JUP: variants seen among roughly 807,000 people sequenced by gnomAD.
JUP encodes junction plakoglobin.
JUP carries 28 observed loss-of-function variants against 71.1 expected under a neutral mutation model. That is an observed-to-expected ratio of 0.39 (90% CI 0.29 to 0.54). The LOEUF is 0.54. Ranked by LOEUF, JUP falls within the 20% of genes least tolerant of loss-of-function variation. JUP has a pLI of 0.62. For synonymous variants in JUP, 401 were observed against 438.9 expected (o/e 0.91, Z 1.08); for missense variants, 869 against 1,030.1 (o/e 0.84, Z 2.14).
At chr17:41,761,287 C>T (rs1182783202) in intron 8 of JUP, among the ~76,000 whole-genome samples, 1 of 152,194 alleles carries the variant, frequency 6.6e-6, no homozygotes, top group African/African-American at 2.4e-5. Context: ...CTGGTGATCA[C>T]ACTTCCTAAC....
chr17:41,772,277 T>G, intron 1 of JUP: 1 of 310,636 alleles, frequency 3.2e-6, no homozygotes. Flanking sequence ...GGGCCCACCC[T>G]CAACTACTGG....
intron 2 of JUP, among the ~76,000 whole-genome samples, chr17:41,770,971 G>A (rs1309926606): frequency 6.6e-6 from 1 of 152,222 alleles, no homozygotes; most frequent in Non-Finnish European, 1.5e-5. Context: ...AAAGGGCTGC[G>A]TCCTCCCTGC....
rs374714497 is a variant in JUP at position 41,757,405 on chromosome 17, G to A, written c.2046+10C>T. On this transcript the variant is annotated intron_variant, in intron 12 of 13. Transcript: ENST00000393931. ...CAACCAACTACTGTGGTCCAACCTA[G>A]GATACTCACAGCCTCCCAGGCAGCC... 1 of 1,613,966 alleles carries A rather than the reference G, an allele frequency of 6.2e-7. No homozygotes were observed. Among genetic ancestry groups the A allele is most frequent in the African/African-American group, 1.3e-5 (1 of 74,942 alleles).
chr17:41,767,352 G>A (rs1915894202), intron 5 of JUP, 27 bp downstream of exon 5: 11 of 1,604,322 alleles, frequency 6.9e-6, no homozygotes, highest in Non-Finnish European at 9.4e-6. Context: ...TGGGCTTCAG[G>A]CCTCGGGAGA....
At chr17:41,779,418 C>G (rs1421151260) in intron 1 of JUP, among the ~76,000 whole-genome samples, 1 of 149,034 alleles carries the variant, frequency 6.7e-6, no homozygotes, top group Non-Finnish European at 1.5e-5. Flanking sequence ...AGCTCCGCCT[C>G]CCGGGTTCAC....
At chr17:41,765,542 A>G (rs1227601642) in intron 5 of JUP, among the ~76,000 whole-genome samples, 12 of 150,476 alleles carry the variant, frequency 8.0e-5, no homozygotes, top group Admixed American at 6.0e-4. Context: ...TGGTAGAGAC[A>G]GGGTTTCACT....
At chr17:41,765,116 G>T (rs782611958) in intron 5 of JUP, 49 bp from the exon 6 acceptor site, 3 of 1,574,346 alleles carry the variant, frequency 1.9e-6, no homozygotes, top group South Asian at 2.2e-5. Flanking sequence ...AATATGACAG[G>T]AACAAGGAAG....
Position 41,763,108 on chromosome 17 carries a change from C to T in JUP, c.1372G>A (p.Ala458Thr), listed in dbSNP as rs139559495. 96 of 1,614,080 alleles carry T rather than the reference C, an allele frequency of 5.9e-5. No individual in the cohort carries two copies. In the Middle Eastern group the frequency reaches 9.9e-4, roughly 17 times the overall value. Residue 458 changes from alanine to threonine, a missense_variant, in exon 8 of 14, where the codon GCT becomes ACT. Coordinates refer to ENST00000393931, the MANE Select transcript of JUP (RefSeq NM_002230.4). ...TGGCGGCTAGTGAGGTGGCGCAGAG[C>T]GCAGACGGCAGGCTCCGTGATGTCG... ...KDDITEPAVC[A>T]LRHLTSRHPE...
intron 10 of JUP, 37 bp downstream of exon 10, chr17:41,758,362 T>TG (rs782511113): frequency 1.2e-6 from 2 of 1,611,420 alleles, no homozygotes; most frequent in South Asian, 1.1e-5. Flanking sequence ...TAAGCAGTGG[T>TG]GGGGGGACCT....
chr17:41,768,919 G>A (rs1182182188), intron 4 of JUP, 50 bp downstream of exon 4: 8 of 1,392,004 alleles, frequency 5.7e-6, no homozygotes, highest in African/African-American at 1.4e-5. Context: ...GAGGGGAGAG[G>A]CCCAAGTGAG....
Position 41,758,886 on chromosome 17 carries a change from G to A in JUP, c.1498-16C>T, listed in dbSNP as rs1555599902. On this transcript the variant is annotated splice_polypyrimidine_tract_variant and intron_variant, in intron 8 of 13. Transcript: ENST00000393931. ...CGATGGTTGCCTGGCAAAAAAAGGG[G>A]CAGTGATCAGGGGCACTTCTTGGAC... 1.2e-5 allele frequency: 20 copies of A among 1,603,526 alleles called. No individual in the cohort carries two copies. The highest frequency in any genetic ancestry group is 1.4e-5 in the Non-Finnish European group (17 of 1,173,548).
intron 1 of JUP, among the ~76,000 whole-genome samples, chr17:41,779,073 A>T (rs1225058260): frequency 6.6e-6 from 1 of 151,330 alleles, no homozygotes; most frequent in African/African-American, 2.4e-5. Context: ...CGTCTCTACT[A>T]AAAATACAAA....
chr17:41,769,423 C>A lies in JUP; in HGVS notation c.463G>T (p.Asp155Tyr). The A allele has an allele frequency of 6.2e-7, 1 of 1,611,518 alleles. No homozygotes were observed. The highest frequency in any genetic ancestry group is 1.1e-5 in the South Asian group (1 of 90,598). Reference protein sequence around the residue: ...PELTKLLNDEDPVVVTKAAMI... With the variant: ...PELTKLLNDEYPVVVTKAAMI... ...TAGCAGGGACCCTCACAGACCGGGT[C>A]CTCGTCGTTGAGCAGTTTGGTGAGC... The change falls in exon 3 of 14, where the codon GAC (aspartate) becomes TAC (tyrosine). Residue 155 changes from aspartate to tyrosine, a missense_variant. Physicochemically the swap from Asp to Tyr is radical, Grantham distance 160 (BLOSUM62 -3). Coordinates refer to ENST00000393931, the MANE Select transcript of JUP (RefSeq NM_002230.4).
chr17:41,759,903 TG>T (rs1397144323), intron 8 of JUP, among the ~76,000 whole-genome samples: 1 of 152,016 alleles, frequency 6.6e-6, no homozygotes, highest in African/African-American at 2.4e-5. Flanking sequence ...TTTCTAAACA[TG>T]AATTTTCTTT....
At chr17:41,778,906 G>A (rs1451493959) in intron 1 of JUP, among the ~76,000 whole-genome samples, 75 of 148,482 alleles carry the variant, frequency 5.1e-4, no homozygotes, top group African/African-American at 1.7e-3. Context: ...GCGAGACTCC[G>A]TCTCAAAAAA....
rs1471764584 is a variant in JUP, at chr17:41,786,647, A to T, written c.-68T>A. The T allele has an allele frequency of 1.3e-5, 2 of 152,684 alleles. No homozygotes were observed. Among genetic ancestry groups the T allele is most frequent in the Admixed American group, 1.3e-4 (2 of 15,288 alleles). 9.5% of individuals were successfully genotyped at this position (152,684 alleles called of 1,614,324 possible). The stretch of plus-strand genomic sequence containing the variant: ...CGGGCCGGGGTGGGAGCCGGCGCGG[A>T]CAGCGAACTGAGCTCGGCGTGGTCG... On this transcript the variant is annotated 5_prime_UTR_variant, in exon 1 of 14. Transcript: ENST00000393931.
intron 5 of JUP, among the ~76,000 whole-genome samples, chr17:41,766,348 G>A (rs1215051113): frequency 6.6e-6 from 1 of 151,762 alleles, no homozygotes; most frequent in East Asian, 1.9e-4. Flanking sequence ...AAAGGGGAGG[G>A]GGAAAGGGGA....
chr17:41,757,988 C>T (rs1914138320), intron 10 of JUP, among the ~76,000 whole-genome samples: 1 of 152,158 alleles, frequency 6.6e-6, no homozygotes, highest in Admixed American at 6.5e-5. Flanking sequence ...GACTCTGCCT[C>T]ATCTAACCAT....
intron 1 of JUP, among the ~76,000 whole-genome samples, chr17:41,775,370 C>T (rs1200536535): frequency 2.6e-5 from 4 of 152,190 alleles, no homozygotes; most frequent in Non-Finnish European, 5.9e-5. Flanking sequence ...GGAAGTCAGA[C>T]CTCAGGCAGG....
Sources: allele counts gnomAD v4.1 joint callset (sites outside exome capture counted in the v4.1 genomes callset), GRCh38; gene constraint gnomAD v4.1.1; transcripts MANE v1.5; gene names NCBI Gene and HGNC (gene_info 2026-07-23, HGNC 2026-07-21).